LRP2BP: variants seen among roughly 807,000 people sequenced by gnomAD.
LRP2BP encodes LRP2 binding protein.
Under a neutral mutation model 45.2 loss-of-function variants are expected in LRP2BP, and 38 were observed. That is an observed-to-expected ratio of 0.84 (90% CI 0.65 to 1.10). LRP2BP has a LOEUF of 1.10. LRP2BP is among the 50% of genes least tolerant of loss of function. The probability of loss-of-function intolerance (pLI) is 0.00; values close to 1 mark genes in which losing one functional copy is unlikely to be tolerated. For synonymous variants in LRP2BP, 153 were observed against 153.9 expected (o/e 0.99, Z 0.04); for missense variants, 385 against 418.9 (o/e 0.92, Z 0.71).
chr4:185,376,468 A>AT (rs1394492021), intron 3 of LRP2BP, among the ~76,000 whole-genome samples: 1 of 68,682 alleles, frequency 1.5e-5, no homozygotes, highest in Non-Finnish European at 3.1e-5. Flanking sequence ...TTTTTTTTGT[A>AT]TTTTTAGTAC....
At chr4:185,370,451 A>G (rs2095411038) in intron 8 of LRP2BP, among the ~76,000 whole-genome samples, 189 bp downstream of exon 8, 2 of 152,132 alleles carry the variant, frequency 1.3e-5, no homozygotes, top group South Asian at 4.1e-4. Context: ...ATTGGAGCTA[A>G]ATTATGCTAA....
intron 1 of LRP2BP, chr4:185,391,039 C>T (rs1214293306): frequency 6.6e-6 from 1 of 152,210 alleles, no homozygotes; most frequent in Admixed American, 6.5e-5. Flanking sequence ...TAGAGTCAGT[C>T]ACCATGCCTC....
At chr4:185,383,390 A>G (rs6819836) in intron 1 of LRP2BP, among the ~76,000 whole-genome samples, 26,517 of 152,216 alleles carry the variant, frequency 0.17, 2,748 homozygotes, top group African/African-American at 0.27. Flanking sequence ...TGAGGGGGGA[A>G]GATCCCTTGA....
intron 1 of LRP2BP, among the ~76,000 whole-genome samples, chr4:185,390,408 A>G (rs1480680228): frequency 6.6e-6 from 1 of 152,084 alleles, no homozygotes; most frequent in Non-Finnish European, 1.5e-5. Flanking sequence ...AGTCCCAGCT[A>G]CTAGGGAGGC....
chr4:185,385,833 G>A (rs1224641197), intron 1 of LRP2BP, among the ~76,000 whole-genome samples: 1 of 150,892 alleles, frequency 6.6e-6, no homozygotes, highest in African/African-American at 2.4e-5. Flanking sequence ...CCCGGAAGGT[G>A]GAGGTTGCAG....
At chr4:185,393,295 A>G (rs11940393) in intron 1 of LRP2BP, among the ~76,000 whole-genome samples, 121,907 of 152,156 alleles carry the variant, frequency 0.8, 49,798 homozygotes, top group East Asian at 0.99. Flanking sequence ...ATTACTAAAC[A>G]TATACAATCC....
chr4:185,376,970 T>G lies in LRP2BP; in HGVS notation c.155A>C (p.Glu52Ala). The G allele has an allele frequency of 6.2e-7, 1 of 1,614,104 alleles. No homozygotes were observed. Among genetic ancestry groups the G allele is most frequent in the Admixed American group, 1.7e-5 (1 of 60,028 alleles). Residue 52 changes from glutamate to alanine, a missense_variant, in exon 3 of 9, where the codon GAA becomes GCA. Transcript: ENST00000505916. ...LVDKALQLLK[E>A]RILKGDTLAY... is the part of the protein sequence containing the mutation. The stretch of plus-strand genomic sequence containing the variant: ...CAGAGTGTCTCCTTTCAGTATTCTT[T>G]CCTTCAAGAGCTGCAATGCCTTATC...
At chr4:185,371,488 G>A (rs1319731955) in intron 7 of LRP2BP, among the ~76,000 whole-genome samples, 4 of 145,046 alleles carry the variant, frequency 2.8e-5, no homozygotes, top group Non-Finnish European at 4.5e-5. Context: ...CTTGCAGTGA[G>A]CCGAGATCGC....
chr4:185,385,905 A>AGGCGGG (rs369541635), intron 1 of LRP2BP, among the ~76,000 whole-genome samples: 508 of 34,742 alleles, frequency 0.015, 9 homozygotes, highest in Non-Finnish European at 0.023. Flanking sequence ...TGTCTCGGGG[A>AGGCGGG]GGGGGGGGGG....
At chr4:185,386,036 G>C (rs377516323) in intron 1 of LRP2BP, among the ~76,000 whole-genome samples, 15 of 152,322 alleles carry the variant, frequency 9.8e-5, no homozygotes, top group African/African-American at 3.6e-4. Flanking sequence ...AAGACAGAGA[G>C]AAGTTACATT....
At position 185,374,431 on chromosome 4, in the gene LRP2BP, G is replaced by A; in HGVS notation, c.361C>T (p.Leu121Phe). 6.2e-7 allele frequency: 1 copy of A among 1,613,980 alleles called. No individual in the cohort carries two copies. Among genetic ancestry groups the A allele is most frequent in the Admixed American group, 1.7e-5 (1 of 60,016 alleles). The stretch of plus-strand genomic sequence containing the variant: ...CTTGCTTTGGGACATGGAGAATCAA[G>A]AATTTTCTTCATATAGTCCACCCCT... ...EKGVDYMKKI[L>F]DSPCPKARHL... is the part of the protein sequence containing the mutation. The change falls in exon 5 of 9, where the codon CTT becomes TTT. Residue 121 changes from leucine (L) to phenylalanine (F), a missense_variant. Transcript: ENST00000505916.
At chr4:185,367,273 A>G in intron 8 of LRP2BP, 28 bp from the exon 9 acceptor site, 1 of 1,584,896 alleles carries the variant, frequency 6.3e-7, no homozygotes. Flanking sequence ...TCAGATATTT[A>G]GATACATTCT....
At chr4:185,394,573 A>G (rs2095496861) in intron 1 of LRP2BP, among the ~76,000 whole-genome samples, 1 of 152,214 alleles carries the variant, frequency 6.6e-6, no homozygotes, top group Non-Finnish European at 1.5e-5. Flanking sequence ...AGTGGTTAAT[A>G]CTTTCTCATT....
At chr4:185,372,123 T>C (rs2095418233) in intron 7 of LRP2BP, among the ~76,000 whole-genome samples, 2 of 152,242 alleles carry the variant, frequency 1.3e-5, no homozygotes, top group Admixed American at 1.3e-4. Context: ...ACAGTTGTTA[T>C]GAAGCTGTAT....
chr4:185,372,849 C>T lies in LRP2BP; in HGVS notation c.803+7G>A. 1 of 1,589,520 alleles carries T rather than the reference C, an allele frequency of 6.3e-7. No individual in the cohort carries two copies. On this transcript the variant is annotated splice_region_variant and intron_variant, in intron 7 of 8. Transcript: ENST00000505916. ...TACAGCAGCACAGAACAGACAAAGA[C>T]ATTCACCTTTTGGAAAATGCAACAC...
chr4:185,396,092 G>A (rs2095501751), upstream of LRP2BP: 1 of 162,766 alleles, frequency 6.1e-6, no homozygotes, highest in African/African-American at 2.4e-5. Context: ...AGAGCCCGGC[G>A]TGGACCAGCG....
At chr4:185,378,558 C>T in intron 1 of LRP2BP, 1 of 1,017,864 alleles carries the variant, frequency 9.8e-7, no homozygotes, top group Non-Finnish European at 1.2e-6. Context: ...ACAGTCAGAG[C>T]TCTTCTGCAC....
chr4:185,378,178 C>G lies in LRP2BP; in HGVS notation c.9G>C (p.Leu3Phe). The part of the protein sequence containing the change: MK[L>F]TSEKLPKNPF... The stretch of plus-strand genomic sequence containing the variant: ...GGTTCTTGGGCAACTTTTCACTGGT[C>G]AACTTCATCCTTTTTCTGCAATGTG... Residue 3 changes from leucine to phenylalanine, a missense_variant, in exon 2 of 9, where the codon TTG becomes TTC. Leu to Phe is a conservative substitution (Grantham distance 22). Coordinates refer to ENST00000505916, the MANE Select transcript of LRP2BP (RefSeq NM_001377440.1). The G allele has an allele frequency of 6.2e-7, 1 of 1,613,794 alleles. No homozygotes were observed. Among genetic ancestry groups the G allele is most frequent in the Non-Finnish European group, 8.5e-7 (1 of 1,179,952 alleles).
At chr4:185,389,745 C>T (rs746597854) in intron 1 of LRP2BP, among the ~76,000 whole-genome samples, 2 of 152,106 alleles carry the variant, frequency 1.3e-5, no homozygotes, top group Non-Finnish European at 2.9e-5. Flanking sequence ...CATCTGCAGT[C>T]CTTACCTTCT....
Sources: gnomAD v4.1 joint callset for allele counts (sites outside exome capture counted in the v4.1 genomes callset) on GRCh38, gnomAD v4.1.1 for gene constraint, MANE v1.5 for transcripts, NCBI Gene and HGNC (gene_info 2026-07-23, HGNC 2026-07-21) for gene names.